The following RBFOX1 variants were observed in gnomAD, a reference collection of about 807,000 sequenced individuals.
RBFOX1 encodes RNA binding fox-1 homolog 1, also known as RNA binding protein fox-1 homolog 1.
A neutral mutation model predicts 57.7 loss-of-function variants in RBFOX1; 8 were observed. That is an observed-to-expected ratio of 0.14 (90% CI 0.08 to 0.25). The LOEUF (loss-of-function observed/expected upper bound fraction) is 0.25, where lower values mean the gene tolerates loss of function less well. RBFOX1 is among the 10% of genes least tolerant of loss of function. The pLI, the probability that RBFOX1 is intolerant of heterozygous loss-of-function variation, is 1.00. For missense variants in RBFOX1, 611 were observed against 548.5 expected, an observed-to-expected ratio of 1.11 and a Z score of -1.14; for synonymous variants, 326 against 222.4, an observed-to-expected ratio of 1.47 and a Z score of -4.15.
chr16:7,454,509 A>C (rs578151902), intron 4 of RBFOX1, among the ~76,000 whole-genome samples: 22 of 152,338 alleles, frequency 1.4e-4, no homozygotes, highest in African/African-American at 5.3e-4. Context: ...AGTTGAGTTT[A>C]TAAGGTCCAG....
intron 1 of RBFOX1, among the ~76,000 whole-genome samples, chr16:5,246,649 A>G (rs1410714166): frequency 2.0e-5 from 3 of 151,752 alleles, no homozygotes; most frequent in East Asian, 3.9e-4. Context: ...GCTTCTATGA[A>G]TTAAACTTTT....
At chr16:5,919,031 G>A (rs149493496) in intron 4 of RBFOX1, among the ~76,000 whole-genome samples, 1 of 152,318 alleles carries the variant, frequency 6.6e-6, no homozygotes, top group African/African-American at 2.4e-5. Flanking sequence ...CTCTCAGGAA[G>A]GAATCATATA....
chr16:6,878,706 A>G (rs1234558672), intron 3 of RBFOX1, among the ~76,000 whole-genome samples: 2 of 152,196 alleles, frequency 1.3e-5, no homozygotes, highest in African/African-American at 4.8e-5. Flanking sequence ...AGTAACAGAA[A>G]TTCAGCAAGG....
At chr16:7,554,903 A>G (rs1601695183) in intron 5 of RBFOX1, among the ~76,000 whole-genome samples, 4 of 152,208 alleles carry the variant, frequency 2.6e-5, no homozygotes, top group African/African-American at 7.2e-5. Flanking sequence ...AGTAACATAA[A>G]TCCAAGGTGT....
intron 4 of RBFOX1, among the ~76,000 whole-genome samples, chr16:5,887,788 A>C (rs1010037787): frequency 2.0e-5 from 3 of 152,128 alleles, no homozygotes; most frequent in African/African-American, 7.2e-5. Context: ...CACGCAACCG[A>C]ATGGTTGTGC....
intron 3 of RBFOX1, among the ~76,000 whole-genome samples, chr16:5,677,557 G>A (rs531717722): frequency 3.7e-4 from 56 of 152,162 alleles, no homozygotes; most frequent in African/African-American, 1.1e-3. Flanking sequence ...GAAATTCACC[G>A]GACCAATCCA....
chr16:5,367,231 A>AATT (rs1261709703), intron 1 of RBFOX1, among the ~76,000 whole-genome samples: 1 of 152,186 alleles, frequency 6.6e-6, no homozygotes, highest in African/African-American at 2.4e-5. Context: ...TACAAGCCTA[A>AATT]AGGAAGATAG....
At chr16:7,086,848 G>T (rs895362572) in intron 4 of RBFOX1, among the ~76,000 whole-genome samples, 1 of 152,176 alleles carries the variant, frequency 6.6e-6, no homozygotes, top group African/African-American at 2.4e-5. Flanking sequence ...CATTTGCTGG[G>T]CTTAGTTGGT....
intron 4 of RBFOX1, among the ~76,000 whole-genome samples, chr16:7,314,151 T>A (rs73559846): frequency 6.6e-6 from 1 of 152,112 alleles, no homozygotes; most frequent in Non-Finnish European, 1.5e-5. Flanking sequence ...GTGAGAATCA[T>A]CAGCACTGAG....
chr16:6,516,685 AATT>A (rs2096385568), intron 2 of RBFOX1, among the ~76,000 whole-genome samples: 1 of 152,164 alleles, frequency 6.6e-6, no homozygotes, highest in Non-Finnish European at 1.5e-5. Flanking sequence ...TAACATCACC[AATT>A]ATTCGTGGTG....
intron 4 of RBFOX1, among the ~76,000 whole-genome samples, chr16:7,256,374 T>C (rs959299008): frequency 3.9e-5 from 6 of 152,182 alleles, no homozygotes; most frequent in Non-Finnish European, 8.8e-5. Context: ...GGCCTCAGAT[T>C]CATTTTCAAT....
intron 2 of RBFOX1, among the ~76,000 whole-genome samples, chr16:6,427,857 T>C (rs911920016): frequency 6.6e-6 from 1 of 152,190 alleles, no homozygotes; most frequent in East Asian, 1.9e-4. Context: ...GTTCACCCGT[T>C]ACCAGGTGTG....
chr16:5,727,925 G>C (rs1423521730), intron 3 of RBFOX1, among the ~76,000 whole-genome samples: 3 of 152,174 alleles, frequency 2.0e-5, no homozygotes, highest in Admixed American at 1.3e-4. Context: ...GGCCTCAAGT[G>C]GTCCTTCCAC....
At chr16:6,371,485 C>G (rs113800759) in intron 2 of RBFOX1, among the ~76,000 whole-genome samples, 3 of 152,250 alleles carry the variant, frequency 2.0e-5, no homozygotes, top group African/African-American at 4.8e-5. Flanking sequence ...TATGTATTCA[C>G]TGGGAGCCCC....
intron 1 of RBFOX1, among the ~76,000 whole-genome samples, chr16:5,412,694 C>G (rs746121293): frequency 6.6e-6 from 1 of 152,174 alleles, no homozygotes; most frequent in Non-Finnish European, 1.5e-5. Flanking sequence ...ATTTATTTCT[C>G]GTAACATTCC....
chr16:6,368,791 T>G (rs571809246), intron 2 of RBFOX1, among the ~76,000 whole-genome samples: 4 of 152,322 alleles, frequency 2.6e-5, no homozygotes, highest in Admixed American at 2.0e-4. Context: ...GCCCTCTGTT[T>G]CAATGTTGGT....
intron 2 of RBFOX1, among the ~76,000 whole-genome samples, chr16:6,577,732 G>GTGAC (rs1364557152): frequency 6.6e-6 from 1 of 152,128 alleles, no homozygotes; most frequent in East Asian, 1.9e-4. Flanking sequence ...TGACAAGGAA[G>GTGAC]TGACACACCC....
At chr16:7,629,952 G>A (rs780173933) in intron 10 of RBFOX1, among the ~76,000 whole-genome samples, 6 of 152,120 alleles carry the variant, frequency 3.9e-5, no homozygotes, top group Non-Finnish European at 8.8e-5. Context: ...GTGGGTCCCA[G>A]GGATGGCAAA....
intron 14 of RBFOX1, among the ~76,000 whole-genome samples, chr16:7,697,564 G>A (rs2079184595): frequency 6.6e-6 from 1 of 152,076 alleles, no homozygotes; most frequent in Non-Finnish European, 1.5e-5. Context: ...AACTATATAT[G>A]CATGTATATA....
Sources: allele counts gnomAD v4.1 joint callset (sites outside exome capture counted in the v4.1 genomes callset), GRCh38; gene constraint gnomAD v4.1.1; transcripts MANE v1.5; gene names NCBI Gene and HGNC (gene_info 2026-07-23, HGNC 2026-07-21).